The following CSMD1 variants were observed in gnomAD, a reference collection of about 807,000 sequenced individuals.
CSMD1 encodes CUB and sushi domain-containing protein 1.
Under a neutral mutation model 417.5 loss-of-function variants are expected in CSMD1, and 213 were observed. The observed-to-expected ratio is 0.51, with a 90% CI of 0.46 to 0.57. The LOEUF is 0.57. CSMD1 is among the 20% of genes least tolerant of loss of function. The probability of loss-of-function intolerance (pLI) is 0.00; values close to 1 mark genes in which losing one functional copy is unlikely to be tolerated. For missense variants in CSMD1, 6,923 were observed against 4,529.7 expected, an observed-to-expected ratio of 1.53 and a Z score of -15.17; for synonymous variants, 2,862 against 1,736.8, an observed-to-expected ratio of 1.65 and a Z score of -16.11.
intron 7 of CSMD1, among the ~76,000 whole-genome samples, chr8:3,666,478 A>G (rs1290053302): frequency 6.7e-6 from 1 of 149,744 alleles, no homozygotes; most frequent in African/African-American, 2.5e-5. Context: ...CTTGCTGTTA[A>G]CATGCACAGG....
chr8:4,484,732 G>C (rs1415942183), intron 2 of CSMD1, among the ~76,000 whole-genome samples: 1 of 152,068 alleles, frequency 6.6e-6, no homozygotes, highest in Non-Finnish European at 1.5e-5. Context: ...CACTTTGGGA[G>C]GCAGAGACGG....
chr8:4,846,000 T>C (rs929969300), intron 1 of CSMD1, among the ~76,000 whole-genome samples: 1 of 152,176 alleles, frequency 6.6e-6, no homozygotes, highest in Non-Finnish European at 1.5e-5. Context: ...AACATTATAC[T>C]GGCCATCCAC....
intron 3 of CSMD1, among the ~76,000 whole-genome samples, chr8:4,215,106 G>C (rs747495040): frequency 6.6e-6 from 1 of 152,154 alleles, no homozygotes; most frequent in Non-Finnish European, 1.5e-5. Flanking sequence ...CCGGACAAGT[G>C]AATAGGTCTC....
chr8:3,014,031 T>C (rs903376987), intron 52 of CSMD1, among the ~76,000 whole-genome samples: 2 of 152,174 alleles, frequency 1.3e-5, no homozygotes, highest in African/African-American at 2.4e-5. Flanking sequence ...CTTCTCCTCA[T>C]ATACATTGCA....
chr8:3,814,502 T>C (rs13282801), intron 5 of CSMD1, among the ~76,000 whole-genome samples: 50,555 of 152,088 alleles, frequency 0.33, 8,876 homozygotes, highest in Middle Eastern at 0.4. Context: ...GAATTCATCC[T>C]CCCTTCCGTG....
chr8:4,248,403 C>T (rs527479436), intron 3 of CSMD1, among the ~76,000 whole-genome samples: 14 of 152,144 alleles, frequency 9.2e-5, no homozygotes, highest in Admixed American at 3.3e-4. Flanking sequence ...ACTATCATGG[C>T]GCTTATAAAA....
At chr8:4,916,356 C>G (rs146774717) in intron 1 of CSMD1, among the ~76,000 whole-genome samples, 84 of 152,118 alleles carry the variant, frequency 5.5e-4, no homozygotes, top group Non-Finnish European at 6.8e-4. Context: ...ATGGCAAAAC[C>G]CTTTGAAAAA....
chr8:3,106,515 G>A lies in CSMD1; in HGVS notation c.6949+13C>T, dbSNP rs577494742. 23 of 1,538,656 alleles carry A rather than the reference G, an allele frequency of 1.5e-5. No homozygotes were observed. The highest frequency in any genetic ancestry group is 5.1e-5 in the Admixed American group (3 of 58,922). ...AATAAGTTTATGTAGTTTTAGTATC[G>A]AACAGTGCATACCTTCACATGTTGG... is the stretch of plus-strand genomic sequence containing the variant. On this transcript the variant is annotated intron_variant, in intron 46 of 69. Coordinates refer to ENST00000635120, the MANE Select transcript of CSMD1 (RefSeq NM_033225.6).
At chr8:2,993,445 G>T (rs1263066380) in intron 54 of CSMD1, among the ~76,000 whole-genome samples, 2 of 152,184 alleles carry the variant, frequency 1.3e-5, no homozygotes, top group African/African-American at 4.8e-5. Context: ...TATTACAAAA[G>T]AGGAGTGTCA....
At chr8:4,210,756 G>T (rs549216647) in intron 3 of CSMD1, among the ~76,000 whole-genome samples, 2 of 152,216 alleles carry the variant, frequency 1.3e-5, no homozygotes, top group African/African-American at 4.8e-5. Context: ...ACTGAAATAT[G>T]AAAGATCTTT....
chr8:3,432,608 C>T (rs550801738), intron 12 of CSMD1, among the ~76,000 whole-genome samples: 17 of 151,322 alleles, frequency 1.1e-4, no homozygotes, highest in South Asian at 4.2e-4. Flanking sequence ...TTCTGCCTCC[C>T]GGGATCAAGA....
At chr8:4,045,338 G>C (rs775696904) in intron 3 of CSMD1, among the ~76,000 whole-genome samples, 2 of 152,166 alleles carry the variant, frequency 1.3e-5, no homozygotes, top group Admixed American at 6.5e-5. Flanking sequence ...CATCAATTGT[G>C]TATGATATGA....
At chr8:4,460,452 T>A (rs982058268) in intron 2 of CSMD1, among the ~76,000 whole-genome samples, 1 of 152,116 alleles carries the variant, frequency 6.6e-6, no homozygotes, top group Non-Finnish European at 1.5e-5. Context: ...AAACTTACGG[T>A]AAGCAGAATA....
intron 26 of CSMD1, among the ~76,000 whole-genome samples, chr8:3,255,729 A>C (rs1316680373): frequency 6.6e-6 from 1 of 152,174 alleles, no homozygotes; most frequent in Non-Finnish European, 1.5e-5. Context: ...GTGCAGTATT[A>C]GGGTGGGAGT....
intron 1 of CSMD1, among the ~76,000 whole-genome samples, chr8:4,950,682 T>A (rs1450497385): frequency 6.6e-6 from 1 of 152,198 alleles, no homozygotes; most frequent in South Asian, 2.1e-4. Context: ...AATTCAGAGT[T>A]TACTTTGATT....
intron 3 of CSMD1, among the ~76,000 whole-genome samples, chr8:4,212,944 C>G (rs1329924796): frequency 6.6e-6 from 1 of 152,018 alleles, no homozygotes; most frequent in African/African-American, 2.4e-5. Context: ...CTTTCCTTCC[C>G]TCATACCCAC....
intron 3 of CSMD1, among the ~76,000 whole-genome samples, chr8:4,150,775 C>A (rs1189452005): frequency 1.3e-5 from 2 of 152,254 alleles, no homozygotes; most frequent in African/African-American, 2.4e-5. Context: ...CTAAAAAGAT[C>A]ATTTAAATGT....
intron 1 of CSMD1, among the ~76,000 whole-genome samples, chr8:4,985,180 G>T (rs376909695): frequency 6.6e-6 from 1 of 152,140 alleles, no homozygotes; most frequent in Non-Finnish European, 1.5e-5. Context: ...TGGACACATA[G>T]AAGGGAACAA....
intron 5 of CSMD1, among the ~76,000 whole-genome samples, chr8:3,760,651 G>C (rs1352378268): frequency 6.6e-6 from 1 of 152,136 alleles, no homozygotes; most frequent in Non-Finnish European, 1.5e-5. Context: ...TCAATTTATG[G>C]GGATAATTTT....
Sources: gnomAD v4.1 joint callset for allele counts (sites outside exome capture counted in the v4.1 genomes callset) on GRCh38, gnomAD v4.1.1 for gene constraint, MANE v1.5 for transcripts, NCBI Gene and HGNC (gene_info 2026-07-23, HGNC 2026-07-21) for gene names.